Variants in CLMN observed in about 807,000 individuals in gnomAD.
CLMN encodes calmin (calponin-like, transmembrane).
A neutral mutation model predicts 92.7 loss-of-function variants in CLMN; 57 were observed. The ratio of observed to expected loss-of-function variants is 0.61; its 90% confidence interval spans 0.50 to 0.77. The LOEUF is 0.77. Ranked by LOEUF, CLMN falls within the 30% of genes least tolerant of loss-of-function variation. The pLI, the probability that CLMN is intolerant of heterozygous loss-of-function variation, is 0.00. For synonymous variants in CLMN, 466 were observed against 470.6 expected, an observed-to-expected ratio of 0.99 and a Z score of 0.13; for missense variants, 1,158 against 1,237.5, an observed-to-expected ratio of 0.94 and a Z score of 0.96.
At chr14:95,246,318 G>C (rs903812912) in intron 1 of CLMN, among the ~76,000 whole-genome samples, 2 of 152,110 alleles carry the variant, frequency 1.3e-5, no homozygotes, top group East Asian at 1.9e-4. Context: ...TCCTAAACCT[G>C]CTGAACCTGC....
chr14:95,193,155 T>C (rs1896601293), intron 12 of CLMN: 2 of 556,206 alleles, frequency 3.6e-6, no homozygotes, highest in African/African-American at 3.8e-5. Context: ...TTTTTAAAAA[T>C]AAAAACATAA....
chr14:95,301,193 C>T (rs1343537427), intron 1 of CLMN, among the ~76,000 whole-genome samples: 1 of 152,210 alleles, frequency 6.6e-6, no homozygotes, highest in Non-Finnish European at 1.5e-5. Context: ...GCTGAAGCTG[C>T]ACATCAAAGA....
chr14:95,218,322 C>T (rs1306602128), intron 4 of CLMN, among the ~76,000 whole-genome samples: 2 of 152,154 alleles, frequency 1.3e-5, no homozygotes, highest in Non-Finnish European at 2.9e-5. Context: ...GAAGTTCAGG[C>T]TCAGAGAAGT....
intron 1 of CLMN, among the ~76,000 whole-genome samples, chr14:95,279,388 T>C (rs1443095214): frequency 6.6e-6 from 1 of 152,242 alleles, no homozygotes; most frequent in Non-Finnish European, 1.5e-5. Context: ...AGATAAGGCC[T>C]GGGACATATG....
chr14:95,222,478 C>A (rs1169060923), intron 3 of CLMN: 1 of 442,138 alleles, frequency 2.3e-6, no homozygotes, highest in East Asian at 7.1e-5. Context: ...GGGTCAGCTC[C>A]ACCAGGTGTG....
At position 95,313,067 on chromosome 14, in the gene CLMN, A is replaced by G. The variant is rs538951986; in HGVS notation, c.82+6644T>C. 2.6e-5 allele frequency among the ~76,000 whole-genome samples: 4 copies of G among 152,160 alleles called. No homozygotes were observed. In the East Asian group the frequency reaches 7.7e-4, roughly 29 times the overall value. ...CTAAAAATATAAAAATTAGCTGGGCATGGTGGCGCATGCCTGTAATCCCAG... is the reference window on the plus strand; with the variant it reads ...CTAAAAATATAAAAATTAGCTGGGCGTGGTGGCGCATGCCTGTAATCCCAG... On this transcript the variant is annotated intron_variant, in intron 1 of 12. Coordinates refer to ENST00000298912, the MANE Select transcript of CLMN (RefSeq NM_024734.4).
intron 1 of CLMN, among the ~76,000 whole-genome samples, chr14:95,246,279 G>T (rs931832052): frequency 6.6e-6 from 1 of 152,148 alleles, no homozygotes; most frequent in Non-Finnish European, 1.5e-5. Flanking sequence ...CCTATGCTCA[G>T]AGCCTGCTGA....
intron 1 of CLMN, among the ~76,000 whole-genome samples, chr14:95,268,516 G>A (rs1382220961): frequency 6.6e-6 from 1 of 152,138 alleles, no homozygotes; most frequent in East Asian, 1.9e-4. Context: ...GAAGGGTGGG[G>A]GCATGACTAT....
rs1051054775 is a variant in CLMN, at chr14:95,212,283, G to A, written c.608+936C>T. 5.9e-5 allele frequency among the ~76,000 whole-genome samples: 9 copies of A among 152,302 alleles called. No homozygotes were observed. The East Asian group carries it at 1.7e-3, about 29-fold the overall frequency. On this transcript the variant is annotated intron_variant, in intron 6 of 12. Coordinates refer to ENST00000298912, the MANE Select transcript of CLMN (RefSeq NM_024734.4). ...TGTGATAGGATACTATTTGCAGTTG[G>A]GGCTTGGAAAGGTAAATGATTCACC...
chr14:95,284,321 C>T (rs1307672040), intron 1 of CLMN, among the ~76,000 whole-genome samples: 1 of 152,212 alleles, frequency 6.6e-6, no homozygotes, highest in Admixed American at 6.5e-5. Context: ...CATGGAAAAC[C>T]TCCACTAGGG....
chr14:95,220,177 T>TTTC (rs1248003735), intron 4 of CLMN, among the ~76,000 whole-genome samples: 1 of 141,330 alleles, frequency 7.1e-6, no homozygotes, highest in African/African-American at 2.7e-5. Flanking sequence ...CCCTTTTTTT[T>TTTC]TTTTTTTTTT....
intron 1 of CLMN, among the ~76,000 whole-genome samples, chr14:95,296,662 C>A (rs1173478199): frequency 6.6e-6 from 1 of 152,160 alleles, no homozygotes; most frequent in Non-Finnish European, 1.5e-5. Context: ...TGTCACGCTG[C>A]CTGAAATGTT....
At position 95,183,390 on chromosome 14, in the gene CLMN, A is replaced by C. The variant is rs1405879311; in HGVS notation, c.*8174T>G. ...GTGGTAGCTATTGCAAACAGAATAC[A>C]AGTATCAAATGATATTTTGCTATTT... On this transcript the variant is annotated 3_prime_UTR_variant, in exon 13 of 13. Transcript: ENST00000298912. 6.6e-6 allele frequency: 1 copy of C among 152,258 alleles called. No homozygotes were observed. The highest frequency in any genetic ancestry group is 2.4e-5 in the African/African-American group (1 of 41,460). 9.4% of individuals were successfully genotyped at this position (152,258 alleles called of 1,614,324 possible).
intron 3 of CLMN, 97 bp from the exon 4 acceptor site, chr14:95,221,871 T>G (rs1897553818): frequency 8.3e-7 from 1 of 1,205,642 alleles, no homozygotes. Context: ...TTTTTTCACA[T>G]GAATTTCAAG....
At chr14:95,288,411 C>T (rs908303496) in intron 1 of CLMN, among the ~76,000 whole-genome samples, 7 of 152,264 alleles carry the variant, frequency 4.6e-5, no homozygotes, top group South Asian at 2.1e-4. Context: ...AGGAACAGTG[C>T]GCTAGGCAGA....
chr14:95,270,246 T>C lies in CLMN; in HGVS notation c.83-40113A>G, dbSNP rs577534184. Among the ~76,000 whole-genome samples, 3 of 152,314 alleles carry C rather than the reference T, an allele frequency of 2.0e-5. No individual in the cohort carries two copies. In the East Asian group the frequency reaches 5.8e-4, roughly 29 times the overall value. ...TTTTTAAAGGAAATTCTATTAAAAA[T>C]AACTTATTTCCCAAGCCAAGTGCCT... is the stretch of plus-strand genomic sequence containing the variant. On this transcript the variant is annotated intron_variant, in intron 1 of 12. Coordinates refer to ENST00000298912, the MANE Select transcript of CLMN (RefSeq NM_024734.4).
chr14:95,200,122 C>A (rs1896835042), intron 9 of CLMN, among the ~76,000 whole-genome samples: 2 of 152,070 alleles, frequency 1.3e-5, no homozygotes, highest in African/African-American at 4.8e-5. Flanking sequence ...CACTTTCCCA[C>A]CTGGCTCCTG....
At chr14:95,258,808 T>C (rs1899127000) in intron 1 of CLMN, among the ~76,000 whole-genome samples, 1 of 149,614 alleles carries the variant, frequency 6.7e-6, no homozygotes, top group Non-Finnish European at 1.5e-5. Flanking sequence ...GGTGTGGTTG[T>C]ATGTGGAAGG....
intron 4 of CLMN, among the ~76,000 whole-genome samples, chr14:95,217,450 A>G (rs1187499444): frequency 1.3e-5 from 2 of 152,164 alleles, no homozygotes; most frequent in African/African-American, 4.8e-5. Context: ...AGATGCCAAG[A>G]ATATAAGTCA....
Sources: allele counts gnomAD v4.1 joint callset (sites outside exome capture counted in the v4.1 genomes callset), GRCh38; gene constraint gnomAD v4.1.1; transcripts MANE v1.5; gene names NCBI Gene and HGNC (gene_info 2026-07-23, HGNC 2026-07-21).